NREP: variants seen among roughly 807,000 people sequenced by gnomAD.
NREP encodes neuronal regeneration related protein.
Under a neutral mutation model 8.6 loss-of-function variants are expected in NREP, and 5 were observed. The observed-to-expected ratio is 0.58, with a 90% CI of 0.30 to 1.22. The LOEUF (loss-of-function observed/expected upper bound fraction) is 1.22. Ranked by LOEUF, NREP falls within the 50% of genes most tolerant of loss-of-function variation. The pLI is 0.07. For missense variants in NREP, 86 were observed against 82.5 expected, an observed-to-expected ratio of 1.04 and a Z score of -0.17; for synonymous variants, 27 against 28.0, an observed-to-expected ratio of 0.96 and a Z score of 0.11.
intron 2 of NREP, among the ~76,000 whole-genome samples, chr5:111,827,482 A>G (rs948289013): frequency 6.6e-6 from 1 of 152,218 alleles, no homozygotes; most frequent in Non-Finnish European, 1.5e-5. Context: ...TGCTCCTCCA[A>G]GGTTATGAGG....
intron 2 of NREP, among the ~76,000 whole-genome samples, chr5:111,888,666 T>C (rs958091570): frequency 1.1e-4 from 16 of 152,176 alleles, no homozygotes; most frequent in African/African-American, 7.2e-5. Context: ...CAATGAAAAG[T>C]GTACAACCTG....
intron 2 of NREP, among the ~76,000 whole-genome samples, chr5:111,880,163 A>AT (rs933213986): frequency 5.3e-5 from 8 of 151,622 alleles, no homozygotes; most frequent in South Asian, 4.2e-4. Context: ...CACTAGGCAG[A>AT]TTTTTTTTTC....
chr5:111,921,145 C>A (rs1008118626), intron 2 of NREP, among the ~76,000 whole-genome samples: 4 of 152,100 alleles, frequency 2.6e-5, no homozygotes, highest in Admixed American at 2.6e-4. Flanking sequence ...TCTACCTCTC[C>A]TCTCTCCTCT....
At chr5:111,767,173 G>A (rs978090035) in intron 2 of NREP, among the ~76,000 whole-genome samples, 1 of 151,992 alleles carries the variant, frequency 6.6e-6, no homozygotes, top group Non-Finnish European at 1.5e-5. Flanking sequence ...TATGAAGGAA[G>A]ATTTTTATGA....
At chr5:111,947,355 C>T (rs1009785230) in intron 2 of NREP, among the ~76,000 whole-genome samples, 5 of 151,820 alleles carry the variant, frequency 3.3e-5, no homozygotes, top group African/African-American at 1.2e-4. Flanking sequence ...TATCTTAGTA[C>T]TATTAATAAG....
chr5:111,884,158 C>A (rs1173806251), intron 2 of NREP, among the ~76,000 whole-genome samples: 1 of 151,896 alleles, frequency 6.6e-6, no homozygotes, highest in Non-Finnish European at 1.5e-5. Flanking sequence ...ACCGATCCCA[C>A]AGAAATACAA....
intron 2 of NREP, among the ~76,000 whole-genome samples, chr5:111,951,621 G>A (rs778350716): frequency 6.6e-6 from 1 of 151,952 alleles, no homozygotes; most frequent in Non-Finnish European, 1.5e-5. Context: ...TCACATAGAT[G>A]GGTTGAAGGC....
chr5:111,872,311 GTTC>G (rs1026803014), intron 2 of NREP, among the ~76,000 whole-genome samples: 3 of 152,098 alleles, frequency 2.0e-5, no homozygotes, highest in Non-Finnish European at 2.9e-5. Context: ...GTCAGCCTTT[GTTC>G]TTCTTCAAGT....
chr5:111,968,770 C>T (rs1279927447), intron 2 of NREP, among the ~76,000 whole-genome samples: 1 of 152,180 alleles, frequency 6.6e-6, no homozygotes, highest in Admixed American at 6.5e-5. Context: ...CTTTCAGCAT[C>T]TGGGCAGTAC....
chr5:111,822,158 G>C (rs569784138), intron 2 of NREP, among the ~76,000 whole-genome samples: 34 of 152,226 alleles, frequency 2.2e-4, no homozygotes, highest in African/African-American at 8.2e-4. Context: ...ACTAAAAAAA[G>C]TAGGAAATAT....
chr5:111,876,068 A>G (rs1425868490), intron 2 of NREP, among the ~76,000 whole-genome samples: 3 of 152,116 alleles, frequency 2.0e-5, no homozygotes. Context: ...ATCTTTAATT[A>G]TGCAGGCAGG....
intron 2 of NREP, among the ~76,000 whole-genome samples, chr5:111,762,906 A>G (rs1213717494): frequency 1.3e-5 from 2 of 152,204 alleles, no homozygotes; most frequent in Admixed American, 6.5e-5. Flanking sequence ...TCTGAGGAAG[A>G]GCCTGAAGCT....
At chr5:111,907,093 T>C (rs1754796466) in intron 2 of NREP, among the ~76,000 whole-genome samples, 1 of 152,124 alleles carries the variant, frequency 6.6e-6, no homozygotes, top group Non-Finnish European at 1.5e-5. Context: ...TGGATTCAAG[T>C]TCCTTCTCAG....
intron 2 of NREP, among the ~76,000 whole-genome samples, chr5:111,751,004 T>TA (rs1426324297): frequency 1.3e-5 from 2 of 152,120 alleles, no homozygotes; most frequent in African/African-American, 2.4e-5. Context: ...CTACCTCTTT[T>TA]AAAAAAGAGG....
chr5:111,883,763 C>A (rs923127889), intron 2 of NREP, among the ~76,000 whole-genome samples: 4 of 152,140 alleles, frequency 2.6e-5, no homozygotes, highest in African/African-American at 4.8e-5. Flanking sequence ...TAAAGATGTT[C>A]TTTGAAACCA....
intron 2 of NREP, among the ~76,000 whole-genome samples, chr5:111,938,030 G>A (rs1755730423): frequency 6.6e-6 from 1 of 151,974 alleles, no homozygotes. Context: ...CTGCCTCTCT[G>A]CCTTGACTCC....
chr5:111,853,392 TTAATAA>T (rs1213281445), intron 2 of NREP, among the ~76,000 whole-genome samples: 5 of 150,398 alleles, frequency 3.3e-5, no homozygotes, highest in Non-Finnish European at 7.4e-5. Flanking sequence ...ACTATAATCG[TTAATAA>T]TAATGTATAA....
In NREP at chr5:111,941,353, A is replaced by C. The variant is rs112993534; in HGVS notation, c.135+33921T>G. Among the ~76,000 whole-genome samples the C allele has an allele frequency of 9.6e-3, 1,465 of 152,218 alleles. 28 individuals carry two copies. Among genetic ancestry groups the C allele is most frequent in the African/African-American group, 0.033 (1,379 of 41,558 alleles). On this transcript the variant is annotated intron_variant, in intron 2 of 3. Transcript: ENST00000395634. ...GTACCACAGACTGAGTGGCTTACAC[A>C]ACAGAAATTTATTTCTTATAGTTCT...
chr5:111,885,430 C>G (rs1318973933), intron 2 of NREP, among the ~76,000 whole-genome samples: 1 of 151,504 alleles, frequency 6.6e-6, no homozygotes, highest in Non-Finnish European at 1.5e-5. Context: ...AATGCCATCC[C>G]CATCAAGCTA....
Sources: gnomAD v4.1 joint callset for allele counts (sites outside exome capture counted in the v4.1 genomes callset) on GRCh38, gnomAD v4.1.1 for gene constraint, MANE v1.5 for transcripts, NCBI Gene and HGNC (gene_info 2026-07-23, HGNC 2026-07-21) for gene names.